Variants in LRRC37A2 observed in about 807,000 individuals in gnomAD.
The protein encoded by LRRC37A2 is leucine-rich repeat-containing protein 37A2.
LRRC37A2 carries 9 observed loss-of-function variants against 68.8 expected under a neutral mutation model. The observed-to-expected ratio is 0.13, with a 90% CI of 0.08 to 0.23. LRRC37A2 has a LOEUF of 0.23. Among genes scored for constraint, LRRC37A2 ranks in the 10% least tolerant of loss-of-function variants. The pLI, the probability that LRRC37A2 is intolerant of heterozygous loss-of-function variation, is 1.00. For missense variants in LRRC37A2, 168 were observed against 950.4 expected, an observed-to-expected ratio of 0.18 and a Z score of 10.82; for synonymous variants, 63 against 367.6, an observed-to-expected ratio of 0.17 and a Z score of 9.48.
rs1189929710 is a variant in LRRC37A2 at position 46,520,999 on chromosome 17, T to G, written c.2753+716T>G. Among the ~76,000 whole-genome samples the G allele has an allele frequency of 3.7e-5, 3 of 81,360 alleles. 1 individual carries two copies. The highest frequency in any genetic ancestry group is 1.1e-4 in the African/African-American group (3 of 28,028). 53.4% of individuals were successfully genotyped at this position (81,360 alleles called of 152,430 possible). On this transcript the variant is annotated intron_variant, in intron 4 of 14. Coordinates refer to ENST00000576629, the Ensembl canonical transcript of LRRC37A2. The stretch of plus-strand genomic sequence containing the variant: ...AGAGAATAGACTGGTATTAAGGATT[T>G]CATTTCAGGAATTGTTATATTAAAA...
chr17:46,728,992 T>C, the LRRC37A2 span: 38 of 1,049,218 alleles, frequency 3.6e-5, no homozygotes, highest in Middle Eastern at 6.2e-4. Context: ...GTAAATCGCA[T>C]ATAATGATAC....
the LRRC37A2 span, among the ~76,000 whole-genome samples, chr17:46,897,271 G>T: frequency 6.6e-6 from 1 of 152,136 alleles, no homozygotes; most frequent in Non-Finnish European, 1.5e-5. Context: ...CATCAGTAAT[G>T]CCCAGGATCA....
the LRRC37A2 span, among the ~76,000 whole-genome samples, chr17:46,926,213 A>G: frequency 6.6e-6 from 1 of 152,202 alleles, no homozygotes; most frequent in African/African-American, 2.4e-5. Flanking sequence ...AATGAGCGAA[A>G]TGTAAAGGCA....
the LRRC37A2 span, among the ~76,000 whole-genome samples, chr17:47,020,548 G>T: frequency 6.6e-6 from 1 of 151,018 alleles, no homozygotes; most frequent in African/African-American, 2.4e-5. Flanking sequence ...GGGAGGCCGA[G>T]GTGGGCGGAT....
chr17:46,901,582 C>T, the LRRC37A2 span, among the ~76,000 whole-genome samples: 75 of 152,250 alleles, frequency 4.9e-4, no homozygotes, highest in Middle Eastern at 3.4e-3. Context: ...AGCAGGTCTG[C>T]GTGAGGGACT....
At chr17:46,746,517 G>A in the LRRC37A2 span, among the ~76,000 whole-genome samples, 1 of 152,094 alleles carries the variant, frequency 6.6e-6, no homozygotes, top group Non-Finnish European at 1.5e-5. Context: ...TTATTTTAAT[G>A]TTCTGAATTT....
the LRRC37A2 span, among the ~76,000 whole-genome samples, chr17:46,731,218 C>T: frequency 1.3e-5 from 2 of 151,904 alleles, no homozygotes; most frequent in African/African-American, 2.4e-5. Flanking sequence ...ACATGCTAAG[C>T]AAAAGGAGCC....
At chr17:46,796,100 T>G in the LRRC37A2 span, among the ~76,000 whole-genome samples, 1 of 152,196 alleles carries the variant, frequency 6.6e-6, no homozygotes, top group Non-Finnish European at 1.5e-5. Flanking sequence ...AGGCCAGGGC[T>G]TTGTGATCTG....
At chr17:46,836,095 C>CGTGTGTGTGTGTGTGTGT in the LRRC37A2 span, among the ~76,000 whole-genome samples, 6,802 of 126,340 alleles carry the variant, frequency 0.054, 390 homozygotes, top group East Asian at 0.12. Context: ...GAGACGCTGA[C>CGTGTGTGTGTGTGTGTGT]GTGTGTGTGT....
At chr17:46,892,574 G>GTCTGTCCA in the LRRC37A2 span, among the ~76,000 whole-genome samples, 1 of 152,170 alleles carries the variant, frequency 6.6e-6, no homozygotes, top group South Asian at 2.1e-4. Flanking sequence ...CATTGTAGGT[G>GTCTGTCCA]TCTGTCCATC....
the LRRC37A2 span, chr17:46,872,573 C>A: frequency 6.3e-7 from 1 of 1,599,336 alleles, no homozygotes; most frequent in Non-Finnish European, 8.5e-7. Context: ...GCGGCAGCCC[C>A]GGCACAGGGC....
At chr17:46,526,821 CAAG>C (rs1462453669) in intron 6 of LRRC37A2, among the ~76,000 whole-genome samples, 1 of 88,724 alleles carries the variant, frequency 1.1e-5, no homozygotes, top group Non-Finnish European at 2.3e-5. Flanking sequence ...GGCATCCAAG[CAAG>C]AAGGACCAGG....
At chr17:46,746,076 C>T in the LRRC37A2 span, among the ~76,000 whole-genome samples, 2 of 152,198 alleles carry the variant, frequency 1.3e-5, no homozygotes, top group African/African-American at 4.8e-5. Flanking sequence ...TGCGTAATAC[C>T]TCCACCTTTC....
At chr17:46,500,665 C>A in the LRRC37A2 span, among the ~76,000 whole-genome samples, 1 of 150,970 alleles carries the variant, frequency 6.6e-6, no homozygotes, top group South Asian at 2.1e-4. Flanking sequence ...AATAGCAAAT[C>A]CCTTGTTGAG....
the LRRC37A2 span, among the ~76,000 whole-genome samples, chr17:46,766,151 G>A: frequency 1.3e-5 from 2 of 152,206 alleles, no homozygotes; most frequent in South Asian, 4.1e-4. Flanking sequence ...GCTCACGCCT[G>A]TAATCCCAGC....
At chr17:46,762,209 ATTAAT>A in the LRRC37A2 span, among the ~76,000 whole-genome samples, 1 of 152,258 alleles carries the variant, frequency 6.6e-6, no homozygotes, top group Non-Finnish European at 1.5e-5. Flanking sequence ...TGCCTGTGAC[ATTAAT>A]TTATACATTG....
At chr17:46,825,589 T>A in the LRRC37A2 span, among the ~76,000 whole-genome samples, 1 of 152,236 alleles carries the variant, frequency 6.6e-6, no homozygotes, top group South Asian at 2.1e-4. Flanking sequence ...CGCATCTTCA[T>A]GGAGCAACTC....
At chr17:46,931,776 A>G in the LRRC37A2 span, 2 of 494,224 alleles carry the variant, frequency 4.0e-6, no homozygotes, top group Non-Finnish European at 7.4e-6. Context: ...AGAAGAGGTC[A>G]GTGAGCCTGC....
the LRRC37A2 span, among the ~76,000 whole-genome samples, chr17:46,980,351 CCTT>C: frequency 1.1e-4 from 5 of 45,028 alleles, no homozygotes; most frequent in South Asian, 6.8e-4. Flanking sequence ...CTCCTTCCTT[CCTT>C]CTTCTTTCTT....
Sources: allele counts gnomAD v4.1 joint callset (sites outside exome capture counted in the v4.1 genomes callset), GRCh38; gene constraint gnomAD v4.1.1; transcripts MANE v1.5; gene names NCBI Gene and HGNC (gene_info 2026-07-23, HGNC 2026-07-21).